Variants in ITPR3 observed in about 807,000 individuals in gnomAD.
ITPR3 encodes the protein inositol 1,4,5-trisphosphate receptor type 3.
ITPR3 carries 173 observed loss-of-function variants against 293.2 expected under a neutral mutation model. The ratio of observed to expected loss-of-function variants is 0.59; its 90% confidence interval spans 0.52 to 0.67. The LOEUF (loss-of-function observed/expected upper bound fraction) is 0.67, where lower values mean the gene tolerates loss of function less well. ITPR3 is among the 30% of genes least tolerant of loss of function. The probability of loss-of-function intolerance (pLI) is 0.00; values close to 1 mark genes in which losing one functional copy is unlikely to be tolerated. For synonymous variants in ITPR3, 1,295 were observed against 1,444.4 expected, an observed-to-expected ratio of 0.90 and a Z score of 2.35; for missense variants, 2,796 against 3,592.1, an observed-to-expected ratio of 0.78 and a Z score of 5.66.
Position 33,683,447 on chromosome 6 carries a change from C to T in ITPR3, c.4788+50C>T, listed in dbSNP as rs745439717. On this transcript the variant is annotated intron_variant, in intron 35 of 57. Coordinates refer to ENST00000605930, the MANE Select transcript of ITPR3 (RefSeq NM_002224.4). This position sits in a 1 kb window ranked among gnomAD's most constrained non-coding sequence, Gnocchi z 4.5. ...TGCCTCGGGAGCTGCTTGGTTGAGT[C>T]AGCAGCTCCCCTACTTTGGAGGGGC... is the stretch of plus-strand genomic sequence containing the variant. The T allele has an allele frequency of 5.8e-6, 8 of 1,380,932 alleles. No individual in the cohort carries two copies. The Admixed American group carries it at 2.1e-4, about 36-fold the overall frequency. The allele number at this position is 1,380,932 out of a possible 1,614,324, so 85.5% of individuals were successfully genotyped here. A position where few individuals can be genotyped will look rare whatever the true frequency, so the allele number is the denominator to read the frequency against.
In ITPR3 at chr6:33,662,748, G is replaced by A. The variant is rs75547829; in HGVS notation, c.858+74G>A. The A allele has an allele frequency of 4.1e-3, 6,536 of 1,575,908 alleles. 196 individuals carry two copies. In the African/African-American group the frequency reaches 0.069, roughly 17 times the overall value. ...CCCCTCCCTCTTCCCCACCATCCTG[G>A]AGGGTGGGATATTGACCCCTACCTC... On this transcript the variant is annotated intron_variant, in intron 8 of 57. Transcript: ENST00000605930.
At chr6:33,680,533 C>A (rs1224491200) in intron 32 of ITPR3, 22 bp from the exon 33 acceptor site, 2 of 1,612,108 alleles carry the variant, frequency 1.2e-6, no homozygotes, top group Admixed American at 1.7e-5. Flanking sequence ...GAGCCCCCAG[C>A]CATCCCTCTC....
intron 1 of ITPR3, among the ~76,000 whole-genome samples, chr6:33,639,780 G>C (rs146169730): frequency 1.2e-3 from 176 of 152,116 alleles, no homozygotes; most frequent in African/African-American, 4.0e-3. Flanking sequence ...TGGGTGGAGG[G>C]ATGAGTGGAT....
At chr6:33,686,380 G>A in intron 42 of ITPR3, 29 bp from the exon 43 acceptor site, 1 of 1,604,860 alleles carries the variant, frequency 6.2e-7, no homozygotes. Flanking sequence ...GAGGGCCTGG[G>A]CCCTGTGTCC....
At chr6:33,688,491 T>C (rs1193305609) in intron 48 of ITPR3, 60 bp downstream of exon 48, 12 of 1,500,772 alleles carry the variant, frequency 8.0e-6, no homozygotes, top group Non-Finnish European at 1.1e-5. Context: ...TGCCCTGTTA[T>C]AACGGCCTCC....
rs750597672 is a variant in ITPR3, at chr6:33,682,710, G to A, written c.4597+66G>A. 117 of 1,532,852 alleles carry A rather than the reference G, an allele frequency of 7.6e-5. No individual in the cohort carries two copies. The highest frequency in any genetic ancestry group is 6.8e-4 in the Middle Eastern group (4 of 5,870). 95.0% of individuals were successfully genotyped at this position (1,532,852 alleles called of 1,614,324 possible). ...CCTGCCGCTCACAGTGGGGACGCCTGCCCTCCTAATAAACACTTTATCCCT... is the reference window on the plus strand; with the variant it reads ...CCTGCCGCTCACAGTGGGGACGCCTACCCTCCTAATAAACACTTTATCCCT... On this transcript the variant is annotated intron_variant, in intron 34 of 57. Transcript: ENST00000605930. The surrounding 1 kb of genome is among the most constrained non-coding windows in gnomAD (Gnocchi z 5.4).
intron 51 of ITPR3, 44 bp from the exon 52 acceptor site, chr6:33,690,873 C>T: frequency 6.3e-7 from 1 of 1,583,230 alleles, no homozygotes; most frequent in Non-Finnish European, 8.6e-7. Context: ...AGTGGCCGGC[C>T]CAGCCCCTCA....
At position 33,691,730 on chromosome 6, in the gene ITPR3, T is replaced by C; in HGVS notation, c.7330+11T>C. ...CTGAGGTCCTGGAAGGTGAGGGTGG[T>C]GTGTGTGCAGGAGTCTGTGTGGGGT... On this transcript the variant is annotated intron_variant, in intron 53 of 57. Transcript: ENST00000605930. The surrounding 1 kb of genome is among the most constrained non-coding windows in gnomAD (Gnocchi z 4.9). 1 of 1,613,702 alleles carries C rather than the reference T, an allele frequency of 6.2e-7. No individual in the cohort carries two copies. Among genetic ancestry groups the C allele is most frequent in the Non-Finnish European group, 8.5e-7 (1 of 1,179,864 alleles).
At chr6:33,656,154 T>A (rs1764301097) in intron 3 of ITPR3, among the ~76,000 whole-genome samples, 1 of 151,822 alleles carries the variant, frequency 6.6e-6, no homozygotes. Flanking sequence ...AAAATAAAAA[T>A]AAAAAAATAA....
In ITPR3 at chr6:33,658,169, G is replaced by A. The variant is rs181352034; in HGVS notation, c.369+151G>A. The A allele has an allele frequency of 1.6e-4, 111 of 681,114 alleles. No individual in the cohort carries two copies. Among genetic ancestry groups the A allele is most frequent in the Admixed American group, 2.3e-4 (11 of 47,120 alleles). The allele number at this position is 681,114 out of a possible 1,614,324, so 42.2% of individuals were successfully genotyped here. A position where few individuals can be genotyped will look rare whatever the true frequency, so the allele number is the denominator to read the frequency against. ...CCTGGGGCCACCTGTGTGGCTGTGC[G>A]TCTGACTGTGTGTGTGTCTGTTGCT... On this transcript the variant is annotated intron_variant, in intron 4 of 57. Transcript: ENST00000605930. The surrounding 1 kb of genome is among the most constrained non-coding windows in gnomAD (Gnocchi z 6.1).
In ITPR3 at chr6:33,677,495, C is replaced by A; in HGVS notation, c.3523-9C>A. 6.2e-7 allele frequency: 1 copy of A among 1,613,698 alleles called. No individual in the cohort carries two copies. Among genetic ancestry groups the A allele is most frequent in the East Asian group, 2.2e-5 (1 of 44,884 alleles). On this transcript the variant is annotated splice_polypyrimidine_tract_variant and intron_variant, in intron 27 of 57. Transcript: ENST00000605930. ...GGAAGGGGCTCTGGCTCACCCGCCTCCCCTGCAGATCCTGGAAAGGCTGAA... is the reference window on the plus strand; with the variant it reads ...GGAAGGGGCTCTGGCTCACCCGCCTACCCTGCAGATCCTGGAAAGGCTGAA...
At chr6:33,694,699 G>T in intron 56 of ITPR3, 5 of 564,184 alleles carry the variant, frequency 8.9e-6, no homozygotes, top group Admixed American at 6.3e-5. Context: ...GCTGCCTAAC[G>T]GAAGTCAGCC....
chr6:33,665,439 G>A (rs945175427), intron 13 of ITPR3, among the ~76,000 whole-genome samples: 2 of 152,218 alleles, frequency 1.3e-5, no homozygotes, highest in African/African-American at 4.8e-5. Flanking sequence ...TGTTGAGCCT[G>A]GTCTCAAGGC....
intron 2 of ITPR3, among the ~76,000 whole-genome samples, chr6:33,650,338 G>C (rs1764158331): frequency 6.6e-6 from 1 of 152,396 alleles, no homozygotes; most frequent in East Asian, 1.9e-4. Context: ...GCATGTGTAT[G>C]TGTGGGCAAG....
chr6:33,656,058 C>T (rs1414115741), intron 3 of ITPR3, among the ~76,000 whole-genome samples, 171 bp downstream of exon 3: 2 of 152,124 alleles, frequency 1.3e-5, no homozygotes, highest in African/African-American at 2.4e-5. Context: ...CTTTGGGAGG[C>T]CAAGGCAGGA....
rs372786080 is a variant in ITPR3 at position 33,663,872 on chromosome 6, C to T, written c.1140C>T (p.Phe380=). The change falls in exon 11 of 58, where the codon TTC becomes TTT. Residue 380 remains phenylalanine, a synonymous_variant. Transcript: ENST00000605930. ...CCACCTTGCAGAAAACCGACTCTTT[C>T]GTGCCCCGGTGGGTATGCGCCATGT... The part of the protein sequence containing the change: ...DPTTLQKTDS[F]VPRNSYVRLR... 12 of 1,614,140 alleles carry T rather than the reference C, an allele frequency of 7.4e-6. No individual in the cohort carries two copies. Among genetic ancestry groups the T allele is most frequent in the South Asian group, 4.4e-5 (4 of 91,082 alleles).
intron 2 of ITPR3, among the ~76,000 whole-genome samples, chr6:33,648,293 C>T (rs6904688): frequency 2.4e-4 from 36 of 151,846 alleles, no homozygotes; most frequent in African/African-American, 8.0e-4. Flanking sequence ...CTCAAATTCC[C>T]GGGCTCAAGC....
chr6:33,674,340 C>G, intron 24 of ITPR3, 75 bp downstream of exon 24: 1 of 1,452,068 alleles, frequency 6.9e-7, no homozygotes, highest in Admixed American at 1.8e-5. Flanking sequence ...GGTCTGGGTT[C>G]CTGGGCTGGG....
At position 33,691,911 on chromosome 6, in the gene ITPR3, C is replaced by T. The variant is rs1277832074; in HGVS notation, c.7441C>T (p.Arg2481Cys). 4.3e-6 allele frequency: 7 copies of T among 1,613,926 alleles called. No homozygotes were observed. Among genetic ancestry groups the T allele is most frequent in the Non-Finnish European group, 4.2e-6 (5 of 1,180,016 alleles). ...CGGTGGTGGCGTGGGCGACATTCTC[C>T]GCAAGCCCTCCAAAGATGTGAGCAC... Reference protein sequence around the residue: ...RNGGGVGDILRKPSKDESLFP... With the variant: ...RNGGGVGDILCKPSKDESLFP... The change falls in exon 54 of 58, where the codon CGC becomes TGC. Residue 2481 changes from arginine to cysteine, a missense_variant. Transcript: ENST00000605930. This position sits in a 1 kb window ranked among gnomAD's most constrained non-coding sequence, Gnocchi z 4.9.
Sources: gnomAD v4.1 joint callset for allele counts (sites outside exome capture counted in the v4.1 genomes callset) on GRCh38, gnomAD v4.1.1 for gene constraint, Gnocchi (gnomAD v3.1) non-coding constraint, MANE v1.5 for transcripts, NCBI Gene and HGNC (gene_info 2026-07-23, HGNC 2026-07-21) for gene names.